The following LITAF variants were observed in gnomAD, a reference collection of about 807,000 sequenced individuals.
The protein encoded by LITAF is lipopolysaccharide-induced tumor necrosis factor-alpha factor.
LITAF carries 9 observed loss-of-function variants against 14.5 expected under a neutral mutation model. The ratio of observed to expected loss-of-function variants is 0.62; its 90% CI spans 0.37 to 1.08. The LOEUF is 1.08. LITAF is among the 50% of genes least tolerant of loss of function. The probability of loss-of-function intolerance (pLI) is 0.01; values close to 1 mark genes in which losing one functional copy is unlikely to be tolerated. For missense variants in LITAF, 206 were observed against 213.4 expected, an observed-to-expected ratio of 0.97 and a Z score of 0.22; for synonymous variants, 98 against 88.2, an observed-to-expected ratio of 1.11 and a Z score of -0.62.
At position 11,549,570 on chromosome 16, in the gene LITAF, G is replaced by A. The variant is rs374924275; in HGVS notation, c.*67C>T. 27 of 1,205,552 alleles carry A rather than the reference G, an allele frequency of 2.2e-5. No homozygotes were observed. The highest frequency in any genetic ancestry group is 1.2e-4 in the East Asian group (5 of 40,038). The allele number at this position is 1,205,552 out of a possible 1,614,324, so 74.7% of individuals were successfully genotyped here. The stretch of plus-strand genomic sequence containing the variant: ...CACCAGGGCAGAACCTCCACCAGGC[G>A]TGAAGCTGGATGAGAGGTGGAAAGG... On this transcript the variant is annotated 3_prime_UTR_variant, in exon 4 of 4. Transcript: ENST00000622633. The surrounding 1 kb of genome is among the most constrained non-coding windows in gnomAD (Gnocchi z 4.6).
intron 3 of LITAF, among the ~76,000 whole-genome samples, chr16:11,619,810 C>T (rs992669572): frequency 1.3e-5 from 2 of 152,022 alleles, no homozygotes; most frequent in African/African-American, 4.8e-5. Flanking sequence ...TGGCCTCAAG[C>T]GATCCTCCCA....
intron 3 of LITAF, among the ~76,000 whole-genome samples, chr16:11,607,936 A>C (rs2064962960): frequency 6.6e-6 from 1 of 152,170 alleles, no homozygotes; most frequent in African/African-American, 2.4e-5. Context: ...CTAGGACCAA[A>C]TTCCCTCCCA....
chr16:11,630,147 C>G (rs2065109109), intron 3 of LITAF, among the ~76,000 whole-genome samples: 1 of 152,118 alleles, frequency 6.6e-6, no homozygotes, highest in South Asian at 2.1e-4. Flanking sequence ...GGAACCAGAC[C>G]CCTGGCGTTG....
upstream of LITAF, among the ~76,000 whole-genome samples, chr16:11,638,008 ATATATCTATATATATC>A (rs1388869333): frequency 8.9e-6 from 1 of 112,668 alleles, no homozygotes; most frequent in African/African-American, 4.9e-5. Flanking sequence ...ATATATCTAT[ATATATCTATATATATC>A]TATATATCTA....
intron 1 of LITAF, among the ~76,000 whole-genome samples, chr16:11,569,846 A>AAC (rs967545298): frequency 1.3e-5 from 2 of 152,200 alleles, no homozygotes; most frequent in Non-Finnish European, 2.9e-5. Context: ...CAGCCTGGCC[A>AAC]ACATGGCAAA....
rs943260697 is a variant in LITAF at position 11,634,008 on chromosome 16, G to T, written c.-20-371C>A. On this transcript the variant is annotated intron_variant, in intron 2 of 3. Transcript: ENST00000574848. The surrounding 1 kb of genome is among the most constrained non-coding windows in gnomAD (Gnocchi z 4.1). ...TGCTGTGATTAGTGGCATCACACAC[G>T]CAGACATGTGTAAGGCCACTTAGCA... Among the ~76,000 whole-genome samples, 1 of 152,186 alleles carries T rather than the reference G, an allele frequency of 6.6e-6. No individual in the cohort carries two copies. The highest frequency in any genetic ancestry group is 1.5e-5 in the Non-Finnish European group (1 of 68,042).
At position 11,549,016 on chromosome 16, in the gene LITAF, A is replaced by T; in HGVS notation, c.*621T>A. 2.2e-6 allele frequency: 1 copy of T among 453,690 alleles called. No individual in the cohort carries two copies. Among genetic ancestry groups the T allele is most frequent in the Non-Finnish European group, 4.4e-6 (1 of 226,746 alleles). The allele number at this position is 453,690 out of a possible 1,614,324, so 28.1% of individuals were successfully genotyped here. On this transcript the variant is annotated 3_prime_UTR_variant, in exon 4 of 4. Coordinates refer to ENST00000622633, the MANE Select transcript of LITAF (RefSeq NM_001136472.2). This position sits in a 1 kb window ranked among gnomAD's most constrained non-coding sequence, Gnocchi z 4.6. ...AGCATGCATTTACGACCTTGTGGAT[A>T]TGTCTGTACTGGGTGTTAATAGCCC... is the stretch of plus-strand genomic sequence containing the variant.
chr16:11,567,230 G>T (rs2064464435), intron 1 of LITAF, among the ~76,000 whole-genome samples: 1 of 152,098 alleles, frequency 6.6e-6, no homozygotes, highest in South Asian at 2.1e-4. Context: ...GACCAGCCTG[G>T]CCAACATGGC....
At chr16:11,555,142 CCCA>C (rs1555466696) in intron 2 of LITAF, among the ~76,000 whole-genome samples, 4 of 152,034 alleles carry the variant, frequency 2.6e-5, no homozygotes, top group Non-Finnish European at 5.9e-5. Context: ...AAGCAATCCT[CCCA>C]CCTCAGCCTC....
At chr16:11,557,534 C>A (rs908435696) in intron 1 of LITAF, among the ~76,000 whole-genome samples, 2 of 152,176 alleles carry the variant, frequency 1.3e-5, no homozygotes, top group African/African-American at 4.8e-5. Flanking sequence ...ACTGCAGCCT[C>A]CACCACCCAG....
upstream of LITAF, among the ~76,000 whole-genome samples, chr16:11,600,154 T>C (rs1181013238): frequency 1.3e-5 from 2 of 152,084 alleles, no homozygotes; most frequent in African/African-American, 4.8e-5. This position sits in a 1 kb window ranked among gnomAD's most constrained non-coding sequence, Gnocchi z 4.1. Context: ...CCAGCCACCA[T>C]GCCCAGCTTG....
chr16:11,562,596 C>T (rs2064387025), intron 1 of LITAF, among the ~76,000 whole-genome samples: 1 of 152,124 alleles, frequency 6.6e-6, no homozygotes, highest in Non-Finnish European at 1.5e-5. Context: ...CAACAATTTG[C>T]TCAACGAAAG....
At chr16:11,625,598 G>C (rs1249088673) in intron 3 of LITAF, among the ~76,000 whole-genome samples, 5 of 152,254 alleles carry the variant, frequency 3.3e-5, no homozygotes, top group Admixed American at 1.3e-4. Flanking sequence ...TTCTGTCTCA[G>C]CATCAGCCTC....
intron 1 of LITAF, among the ~76,000 whole-genome samples, chr16:11,582,080 G>C (rs1367632249): frequency 6.6e-6 from 1 of 152,140 alleles, no homozygotes; most frequent in African/African-American, 2.4e-5. Flanking sequence ...ATAGCTAGAA[G>C]AGAGAATTCT....
intron 3 of LITAF, among the ~76,000 whole-genome samples, chr16:11,616,465 G>A (rs2065020403): frequency 6.6e-6 from 1 of 150,398 alleles, no homozygotes; most frequent in Non-Finnish European, 1.5e-5. Flanking sequence ...GTGACAGGGT[G>A]AGACCCTGTC....
At chr16:11,555,292 T>C (rs987590951) in intron 2 of LITAF, among the ~76,000 whole-genome samples, 3 of 152,192 alleles carry the variant, frequency 2.0e-5, no homozygotes, top group Non-Finnish European at 4.4e-5. Flanking sequence ...GCCTCCTCAG[T>C]AGCTAGGATT....
chr16:11,629,579 T>C (rs1438763897), intron 3 of LITAF, among the ~76,000 whole-genome samples: 2 of 152,098 alleles, frequency 1.3e-5, no homozygotes, highest in African/African-American at 2.4e-5. Context: ...AACACAGCTG[T>C]GAGCAGTCAG....
At chr16:11,628,687 T>G (rs1365336833) in intron 3 of LITAF, among the ~76,000 whole-genome samples, 1 of 151,634 alleles carries the variant, frequency 6.6e-6, no homozygotes, top group African/African-American at 2.4e-5. Context: ...TCTTTTCTTT[T>G]TTTTTTTGAA....
chr16:11,617,638 A>T (rs180710102), intron 3 of LITAF, among the ~76,000 whole-genome samples: 62 of 151,236 alleles, frequency 4.1e-4, no homozygotes, highest in Admixed American at 9.9e-4. Flanking sequence ...TATTGGCCAG[A>T]CTGGTCTCGA....
Sources: allele counts gnomAD v4.1 joint callset (sites outside exome capture counted in the v4.1 genomes callset), GRCh38; gene constraint gnomAD v4.1.1; non-coding constraint Gnocchi (gnomAD v3.1); transcripts MANE v1.5; gene names NCBI Gene and HGNC (gene_info 2026-07-23, HGNC 2026-07-21).